Variants in PSD4 observed in about 807,000 individuals in gnomAD.
PSD4 encodes the protein pleckstrin and Sec7 domain containing 4.
A neutral mutation model predicts 112.5 loss-of-function variants in PSD4; 59 were observed. The observed-to-expected ratio is 0.52, with a 90% CI of 0.43 to 0.65. The LOEUF is 0.65. Among genes scored for constraint, PSD4 ranks in the 30% least tolerant of loss-of-function variants. PSD4 has a pLI of 0.00. For missense variants in PSD4, 1,267 were observed against 1,352.6 expected, an observed-to-expected ratio of 0.94 and a Z score of 0.99; for synonymous variants, 533 against 540.0, an observed-to-expected ratio of 0.99 and a Z score of 0.18.
In PSD4 at chr2:113,207,054, G is replaced by A. The variant is rs75723779; in HGVS notation, c.*5639G>A. ...GCAGGAACAACCCTCATGCTTCCAA[G>A]ATGGCCCCAGGAACTCTCAAGATCC... On this transcript the variant is annotated 3_prime_UTR_variant, in exon 17 of 17. Transcript: ENST00000245796. 9,252 of 152,108 alleles carry A rather than the reference G, an allele frequency of 0.061. 339 individuals are homozygous for A. Among genetic ancestry groups the A allele is most frequent in the South Asian group, 0.16 (789 of 4,804 alleles). The allele number at this position is 152,108 out of a possible 1,614,324, so 9.4% of individuals were successfully genotyped here.
At chr2:113,197,052 G>A (rs45582641) in intron 12 of PSD4, 10,242 of 199,600 alleles carry the variant, frequency 0.051, 445 homozygotes, top group South Asian at 0.15. Context: ...AGCTTAGAAT[G>A]GATCTTACCA....
intron 5 of PSD4, among the ~76,000 whole-genome samples, chr2:113,187,942 T>C (rs1160292701): frequency 6.6e-6 from 1 of 152,164 alleles, no homozygotes; most frequent in East Asian, 1.9e-4. Context: ...TCAAAAAACA[T>C]GATTTCATAA....
chr2:113,177,124 T>A (rs1202376303), intron 1 of PSD4, among the ~76,000 whole-genome samples: 2 of 152,240 alleles, frequency 1.3e-5, no homozygotes, highest in African/African-American at 4.8e-5. Context: ...AGGGACATTT[T>A]GGCTGCTGAC....
In PSD4 at chr2:113,198,815, C is replaced by T; in HGVS notation, c.2700C>T (p.Pro900=). ...AAATHSAPPF[P]AAVGSQRRFV... is the part of the protein sequence containing the mutation. Reference sequence around the variant, plus strand: ...CCACGCACTCCGCGCCGCCCTTCCCCGCCGCTGTGGGCTCCCAGCGCAGAT... The same window carrying T: ...CCACGCACTCCGCGCCGCCCTTCCCTGCCGCTGTGGGCTCCCAGCGCAGAT... The change falls in exon 15 of 17, where the codon CCC becomes CCT. Residue 900 remains proline, a synonymous_variant. Transcript: ENST00000245796. 2 of 1,594,368 alleles carry T rather than the reference C, an allele frequency of 1.3e-6. No homozygotes were observed. Among genetic ancestry groups the T allele is most frequent in the Non-Finnish European group, 1.7e-6 (2 of 1,174,644 alleles).
At position 113,201,935 on chromosome 2, in the gene PSD4, C is replaced by G. The variant is rs1688787732; in HGVS notation, c.*520C>G. ...CTGGGGAGGCCCCAGGAGAGTGAAT[C>G]AGGGACTCTTGAGAAATTCCTAACC... On this transcript the variant is annotated 3_prime_UTR_variant, in exon 17 of 17. Transcript: ENST00000245796. 6.4e-6 allele frequency: 1 copy of G among 155,780 alleles called. No individual in the cohort carries two copies. Among genetic ancestry groups the G allele is most frequent in the Non-Finnish European group, 1.4e-5 (1 of 70,262 alleles). The allele number at this position is 155,780 out of a possible 1,614,324, so 9.6% of individuals were successfully genotyped here.
chr2:113,184,806 C>T (rs1688244808), intron 2 of PSD4, 151 bp from the exon 3 acceptor site: 1 of 1,166,614 alleles, frequency 8.6e-7, no homozygotes, highest in Non-Finnish European at 1.2e-6. Context: ...AAACACAGCC[C>T]CTCCTTGGGC....
At chr2:113,187,608 C>T (rs568798881) in intron 5 of PSD4, among the ~76,000 whole-genome samples, 5 of 152,182 alleles carry the variant, frequency 3.3e-5, no homozygotes, top group Admixed American at 3.3e-4. Flanking sequence ...AGCACTAAGA[C>T]TCTCAGATGT....
rs1688176135 is a variant in PSD4, at chr2:113,182,686, G to A, written c.230G>A (p.Ser77Asn). The change falls in exon 2 of 17, where the codon AGC becomes AAC. Residue 77 changes from serine to asparagine, a missense_variant. Coordinates refer to ENST00000245796, the MANE Select transcript of PSD4 (RefSeq NM_012455.3). The part of the protein sequence containing the change: ...GSGVELTHLG[S>N]WVHQDGLEPC... ...GGTGTGGAGCTCACACACCTGGGGA[G>A]CTGGGTCCATCAGGACGGGCTGGAG... The A allele has an allele frequency of 1.2e-6, 2 of 1,611,754 alleles. No homozygotes were observed. Among genetic ancestry groups the A allele is most frequent in the African/African-American group, 1.3e-5 (1 of 74,520 alleles).
In PSD4 at chr2:113,209,026, G is replaced by T. The variant is rs1688904344; in HGVS notation, c.*7611G>T. 1 of 152,308 alleles carries T rather than the reference G, an allele frequency of 6.6e-6. No individual in the cohort carries two copies. The highest frequency in any genetic ancestry group is 2.1e-4 in the South Asian group (1 of 4,828). 9.4% of individuals were successfully genotyped at this position (152,308 alleles called of 1,614,324 possible). ...GCCTGAATTTGCTGCCATGTTTTGA[G>T]GACATTATCCACGCTAGTCTCTTTC... On this transcript the variant is annotated 3_prime_UTR_variant, in exon 17 of 17. Transcript: ENST00000245796.
intron 5 of PSD4, among the ~76,000 whole-genome samples, chr2:113,189,064 A>T (rs999095461): frequency 2.0e-5 from 3 of 151,570 alleles, no homozygotes; most frequent in African/African-American, 7.3e-5. Context: ...ACCGCCTTTC[A>T]CCCTTTACCC....
At chr2:113,188,857 C>T (rs931243233) in intron 5 of PSD4, among the ~76,000 whole-genome samples, 1 of 152,204 alleles carries the variant, frequency 6.6e-6, no homozygotes, top group Admixed American at 6.5e-5. Flanking sequence ...CGTGAGCCAC[C>T]ACGCCCTGCC....
At chr2:113,182,221 G>A (rs1001810613) in intron 1 of PSD4, 125 bp from the exon 2 acceptor site, 3 of 492,422 alleles carry the variant, frequency 6.1e-6, no homozygotes, top group Non-Finnish European at 1.1e-5. Flanking sequence ...GGGCTGTGGA[G>A]GGCAGTGCTA....
chr2:113,206,371 A>C lies in PSD4; in HGVS notation c.*4956A>C, dbSNP rs1688863858. On this transcript the variant is annotated 3_prime_UTR_variant, in exon 17 of 17. Transcript: ENST00000245796. ...GCCTGAAATGGCACCTCCTAGGGCA[A>C]TTGATGGCTGCAGTCATCAACTCTG... The C allele has an allele frequency of 6.6e-6, 1 of 152,266 alleles. No individual in the cohort carries two copies. Among genetic ancestry groups the C allele is most frequent in the Non-Finnish European group, 1.5e-5 (1 of 68,054 alleles). The allele number at this position is 152,266 out of a possible 1,614,324, so 9.4% of individuals were successfully genotyped here. A position where few individuals can be genotyped will look rare whatever the true frequency, so the allele number is the denominator to read the frequency against.
At chr2:113,189,335 A>G (rs1289702818) in intron 5 of PSD4, among the ~76,000 whole-genome samples, 2 of 145,596 alleles carry the variant, frequency 1.4e-5, no homozygotes, top group Non-Finnish European at 3.0e-5. Flanking sequence ...AATTATATAT[A>G]ATTGAATATA....
chr2:113,198,013 T>C, intron 14 of PSD4, 100 bp downstream of exon 14: 2 of 1,308,218 alleles, frequency 1.5e-6, no homozygotes, highest in South Asian at 1.7e-5. Flanking sequence ...CCCCAGGGGG[T>C]CCTGGTGGGA....
intron 5 of PSD4, among the ~76,000 whole-genome samples, chr2:113,188,313 G>A (rs1015441001): frequency 6.6e-6 from 1 of 152,044 alleles, no homozygotes; most frequent in African/African-American, 2.4e-5. Flanking sequence ...TTGCGATCTT[G>A]GCTCACTGCA....
intron 5 of PSD4, among the ~76,000 whole-genome samples, chr2:113,191,983 G>C (rs1333063776): frequency 6.6e-6 from 1 of 152,070 alleles, no homozygotes; most frequent in African/African-American, 2.4e-5. Flanking sequence ...TAGAGCCAGA[G>C]CTGGGAGGTG....
chr2:113,185,928 C>G lies in PSD4; in HGVS notation c.1301C>G (p.Pro434Arg). 1.2e-6 allele frequency: 2 copies of G among 1,613,772 alleles called. No homozygotes were observed. Among genetic ancestry groups the G allele is most frequent in the Non-Finnish European group, 1.7e-6 (2 of 1,179,806 alleles). ...GAATCTCTTCCCTGCACCTTGGCCC[C>G]CTGCCCCTGGAGGAGCCCAGCTTCT... is the stretch of plus-strand genomic sequence containing the variant. ...PQESLPCTLA[P>R]CPWRSPASSP... Residue 434 changes from proline to arginine, a missense_variant, in exon 5 of 17, where the codon CCC becomes CGC. By Grantham distance (103) the Pro-to-Arg change is moderately radical. This residue lies in a region of PSD4 where 723 missense variants were observed against 704.0 expected (regional missense o/e 1.03). Coordinates refer to ENST00000245796, the MANE Select transcript of PSD4 (RefSeq NM_012455.3).
rs181741114 is a variant in PSD4, at chr2:113,203,176, T to A, written c.*1761T>A. On this transcript the variant is annotated 3_prime_UTR_variant, in exon 17 of 17. Coordinates refer to ENST00000245796, the MANE Select transcript of PSD4 (RefSeq NM_012455.3). Reference sequence around the variant, plus strand: ...TGCAGATAATATGGGACGCTTTCTATGTGCCAGTACCAGGGGATTCACAAA... The same window carrying A: ...TGCAGATAATATGGGACGCTTTCTAAGTGCCAGTACCAGGGGATTCACAAA... 3.3e-5 allele frequency: 5 copies of A among 152,390 alleles called. No individual in the cohort carries two copies. The highest frequency in any genetic ancestry group is 3.3e-4 in the Admixed American group (5 of 15,302). The allele number at this position is 152,390 out of a possible 1,614,324, so 9.4% of individuals were successfully genotyped here. A position where few individuals can be genotyped will look rare whatever the true frequency, so the allele number is the denominator to read the frequency against.
Sources: gnomAD v4.1 joint callset for allele counts (sites outside exome capture counted in the v4.1 genomes callset) on GRCh38, gnomAD v4.1.1 for gene constraint, gnomAD v4.1.1 regional missense constraint, MANE v1.5 for transcripts, NCBI Gene and HGNC (gene_info 2026-07-23, HGNC 2026-07-21) for gene names.